Variants in CNTN3 observed in about 807,000 individuals in gnomAD.
CNTN3 encodes contactin-3.
In CNTN3, 60 loss-of-function variants were observed where a neutral mutation model predicts 119.1. That is an observed-to-expected ratio of 0.50 (90% CI 0.41 to 0.62). CNTN3 has a LOEUF of 0.62. Among genes scored for constraint, CNTN3 ranks in the 20% least tolerant of loss-of-function variants. The pLI, the probability that CNTN3 is intolerant of heterozygous loss-of-function variation, is 0.00. For synonymous variants in CNTN3, 450 were observed against 438.7 expected (o/e 1.03, Z -0.32); for missense variants, 1,101 against 1,242.4 (o/e 0.89, Z 1.71).
At chr3:74,462,695 T>G (rs1702392254) in intron 4 of CNTN3, among the ~76,000 whole-genome samples, 1 of 152,088 alleles carries the variant, frequency 6.6e-6, no homozygotes. Flanking sequence ...CTATTGATAT[T>G]AAAGTAAGGA....
At chr3:74,376,505 G>C (rs1704478706) in intron 5 of CNTN3, among the ~76,000 whole-genome samples, 1 of 152,166 alleles carries the variant, frequency 6.6e-6, no homozygotes, top group Non-Finnish European at 1.5e-5. Flanking sequence ...AATGCCTGCT[G>C]ATCTGTCACT....
chr3:74,564,669 G>T (rs910388839), intron 1 of CNTN3, among the ~76,000 whole-genome samples: 3 of 151,746 alleles, frequency 2.0e-5, no homozygotes, highest in Non-Finnish European at 2.9e-5. Context: ...CTAGTACCTG[G>T]ATCTTAGGTT....
At chr3:74,608,867 T>C (rs921416836) in intron 1 of CNTN3, among the ~76,000 whole-genome samples, 9 of 152,058 alleles carry the variant, frequency 5.9e-5, no homozygotes, top group Non-Finnish European at 1.2e-4. Context: ...ATTTACCCCC[T>C]AAAGGAGAAA....
intron 13 of CNTN3, among the ~76,000 whole-genome samples, chr3:74,327,267 T>A (rs1575728890): frequency 6.6e-6 from 1 of 152,106 alleles, no homozygotes; most frequent in African/African-American, 2.4e-5. Flanking sequence ...TAGCTGTGAT[T>A]ACAGGCATGT....
intron 4 of CNTN3, among the ~76,000 whole-genome samples, chr3:74,439,025 T>C (rs1701916745): frequency 6.6e-6 from 1 of 152,182 alleles, no homozygotes; most frequent in Non-Finnish European, 1.5e-5. Flanking sequence ...TGAGAACTCC[T>C]GTGATCTGGC....
At chr3:74,541,306 G>T (rs1391071891) in intron 1 of CNTN3, among the ~76,000 whole-genome samples, 1 of 152,080 alleles carries the variant, frequency 6.6e-6, no homozygotes, top group Non-Finnish European at 1.5e-5. Flanking sequence ...AATGATCATA[G>T]CAGCATCATA....
chr3:74,426,424 T>G (rs895958150), intron 4 of CNTN3, among the ~76,000 whole-genome samples: 21 of 152,226 alleles, frequency 1.4e-4, no homozygotes, highest in African/African-American at 4.6e-4. Flanking sequence ...CTTTGAAAAA[T>G]ATAAAAAGCA....
At chr3:74,285,515 A>T in intron 19 of CNTN3, 24 bp from the exon 20 acceptor site, 1 of 1,574,868 alleles carries the variant, frequency 6.3e-7, no homozygotes, top group South Asian at 1.2e-5. Flanking sequence ...GACACCAAAC[A>T]TGTGAAGGCT....
rs754063682 is a variant in CNTN3, at chr3:74,370,018, C to T, written c.659-27G>A. 82 of 1,246,234 alleles carry T rather than the reference C, an allele frequency of 6.6e-5. 1 individual carries two copies. Among genetic ancestry groups the T allele is most frequent in the South Asian group, 1.2e-4 (9 of 74,884 alleles). 77.2% of individuals were successfully genotyped at this position (1,246,234 alleles called of 1,614,324 possible). A position where few individuals can be genotyped will look rare whatever the true frequency, so the allele number is the denominator to read the frequency against. ...TATAAATCCACAATATAAAGTTAAT[C>T]GTTTCAATATTTCCTTTAGAATTGC... is the stretch of plus-strand genomic sequence containing the variant. On this transcript the variant is annotated intron_variant, in intron 6 of 22. Transcript: ENST00000263665.
intron 1 of CNTN3, among the ~76,000 whole-genome samples, chr3:74,599,491 T>A (rs1166986299): frequency 6.6e-6 from 1 of 152,040 alleles, no homozygotes; most frequent in African/African-American, 2.4e-5. Context: ...AGTTTGGAGA[T>A]GAAACTGCTC....
At chr3:74,302,899 T>C in intron 13 of CNTN3, 92 bp from the exon 14 acceptor site, 1 of 753,094 alleles carries the variant, frequency 1.3e-6, no homozygotes, top group Non-Finnish European at 2.3e-6. Context: ...AACATTGCAA[T>C]GAAAACTATA....
intron 5 of CNTN3, among the ~76,000 whole-genome samples, chr3:74,384,262 G>C (rs1704692689): frequency 1.3e-5 from 2 of 152,068 alleles, no homozygotes; most frequent in South Asian, 2.1e-4. Context: ...GGAAATGCAG[G>C]GCAACCACCT....
intron 1 of CNTN3, among the ~76,000 whole-genome samples, chr3:74,576,297 G>A (rs1704415804): frequency 6.6e-6 from 1 of 152,080 alleles, no homozygotes; most frequent in African/African-American, 2.4e-5. Context: ...ACAGTCCCCT[G>A]AACTTGAGCG....
intron 19 of CNTN3, among the ~76,000 whole-genome samples, chr3:74,292,464 G>C (rs1232823053): frequency 6.6e-6 from 1 of 152,190 alleles, no homozygotes; most frequent in Non-Finnish European, 1.5e-5. Context: ...TACTAGAGAG[G>C]CTGAGGCAGG....
At chr3:74,268,510 A>T (rs1410772976) in intron 20 of CNTN3, among the ~76,000 whole-genome samples, 4 of 152,202 alleles carry the variant, frequency 2.6e-5, no homozygotes, top group Non-Finnish European at 5.9e-5. Flanking sequence ...AAATACATTT[A>T]TGAGTCTAAT....
intron 19 of CNTN3, among the ~76,000 whole-genome samples, chr3:74,292,755 A>C (rs936027089): frequency 6.6e-6 from 1 of 152,182 alleles, no homozygotes; most frequent in African/African-American, 2.4e-5. Context: ...CAAGTGGTAG[A>C]ATTGGGATTT....
intron 13 of CNTN3, among the ~76,000 whole-genome samples, chr3:74,318,095 C>T (rs1368390775): frequency 6.6e-6 from 1 of 152,194 alleles, no homozygotes; most frequent in Non-Finnish European, 1.5e-5. Context: ...ATTTCATCTT[C>T]CATCACTGAT....
In CNTN3 at chr3:74,318,212, C is replaced by T. The variant is rs115353334; in HGVS notation, c.1669-15405G>A. On this transcript the variant is annotated intron_variant, in intron 13 of 22. Transcript: ENST00000263665. ...ATCAGCTCCTTTAAGGACTTCTCTG[C>T]GTTTGTTATTCAGTTATCCATTTGT... Among the ~76,000 whole-genome samples, 710 of 152,188 alleles carry T rather than the reference C, an allele frequency of 4.7e-3. 5 individuals are homozygous for T. Among genetic ancestry groups the T allele is most frequent in the African/African-American group, 0.016 (667 of 41,514 alleles).
chr3:74,321,322 T>G (rs1284584446), intron 13 of CNTN3, among the ~76,000 whole-genome samples: 1 of 152,084 alleles, frequency 6.6e-6, no homozygotes, highest in African/African-American at 2.4e-5. Context: ...TGATTTTATC[T>G]CAATAAAAGG....
Sources: allele counts gnomAD v4.1 joint callset (sites outside exome capture counted in the v4.1 genomes callset), GRCh38; gene constraint gnomAD v4.1.1; transcripts MANE v1.5; gene names NCBI Gene and HGNC (gene_info 2026-07-23, HGNC 2026-07-21).